Variants in PCDH15 observed in about 807,000 individuals in gnomAD.
PCDH15 encodes the protein protocadherin related 15.
In PCDH15, 129 loss-of-function variants were observed where a neutral mutation model predicts 178.5. The ratio of observed to expected loss-of-function variants is 0.72; its 90% CI spans 0.63 to 0.84. PCDH15 has a LOEUF of 0.84. PCDH15 is among the 40% of genes least tolerant of loss of function. PCDH15 has a pLI of 0.00. For synonymous variants in PCDH15, 800 were observed against 732.0 expected, an observed-to-expected ratio of 1.09 and a Z score of -1.50; for missense variants, 2,230 against 2,099.9, an observed-to-expected ratio of 1.06 and a Z score of -1.21.
At chr10:54,893,522 C>T (rs1954499123) in intron 3 of PCDH15, among the ~76,000 whole-genome samples, 1 of 151,994 alleles carries the variant, frequency 6.6e-6, no homozygotes, top group African/African-American at 2.4e-5. Flanking sequence ...TGTCCTTGAG[C>T]AGAATAACTT....
intron 27 of PCDH15, among the ~76,000 whole-genome samples, chr10:53,858,300 A>G (rs2078887678): frequency 1.3e-5 from 2 of 152,132 alleles, no homozygotes; most frequent in South Asian, 2.1e-4. Flanking sequence ...TAGGCTCCAG[A>G]TTCTTTACAT....
In PCDH15 at chr10:55,176,846, C is replaced by A. The variant is rs185499076; in HGVS notation, c.-155-10195G>T. Among the ~76,000 whole-genome samples, 30 of 152,244 alleles carry A rather than the reference C, an allele frequency of 2.0e-4. 1 individual carries two copies. In the East Asian group the frequency reaches 4.8e-3, roughly 25 times the overall value. On this transcript the variant is annotated intron_variant, in intron 1 of 5. Transcript: ENST00000458638. ...CTTTGCATTCGAGGATCCTTGCAACCAGACTACCCAGCTAACTTGGATGGT... is the reference window on the plus strand; with the variant it reads ...CTTTGCATTCGAGGATCCTTGCAACAAGACTACCCAGCTAACTTGGATGGT...
At chr10:55,332,922 T>G (rs898133482) in intron 2 of PCDH15, among the ~76,000 whole-genome samples, 2 of 152,112 alleles carry the variant, frequency 1.3e-5, no homozygotes, top group South Asian at 2.1e-4. Context: ...ATCAGCAGCA[T>G]GAAAACAAAC....
intron 1 of PCDH15, among the ~76,000 whole-genome samples, chr10:55,312,829 C>T (rs1843621746): frequency 6.6e-6 from 1 of 152,052 alleles, no homozygotes; most frequent in South Asian, 2.1e-4. Context: ...GTTGGTCAGG[C>T]TGGTCTTGAA....
At chr10:55,504,335 AAAGTT>A (rs1325372305) in intron 2 of PCDH15, among the ~76,000 whole-genome samples, 3 of 151,500 alleles carry the variant, frequency 2.0e-5, no homozygotes, top group Admixed American at 6.6e-5. Flanking sequence ...CTCTAAAAAT[AAAGTT>A]AATTATTTGA....
At chr10:54,462,730 G>T (rs1472840022) in intron 3 of PCDH15, among the ~76,000 whole-genome samples, 4 of 98,826 alleles carry the variant, frequency 4.0e-5, no homozygotes, top group African/African-American at 1.2e-4. Context: ...ACAGGGTTTT[G>T]CTATGTGGCC....
intron 3 of PCDH15, among the ~76,000 whole-genome samples, chr10:54,474,213 A>C (rs906884433): frequency 2.0e-5 from 3 of 151,960 alleles, no homozygotes; most frequent in South Asian, 4.1e-4. Flanking sequence ...CAACTAGAAG[A>C]AATTTTAGCA....
intron 1 of PCDH15, among the ~76,000 whole-genome samples, chr10:55,228,700 T>C (rs1841126921): frequency 6.6e-6 from 1 of 151,976 alleles, no homozygotes; most frequent in South Asian, 2.1e-4. Context: ...ATTTGACACA[T>C]CACATAATAT....
chr10:55,290,285 A>G (rs1842975764), intron 1 of PCDH15, among the ~76,000 whole-genome samples: 1 of 150,828 alleles, frequency 6.6e-6, no homozygotes, highest in Non-Finnish European at 1.5e-5. Context: ...TATGTATTAG[A>G]GTAATTAAAT....
chr10:55,511,753 C>T (rs1209998178), intron 2 of PCDH15, among the ~76,000 whole-genome samples: 4 of 151,974 alleles, frequency 2.6e-5, no homozygotes, highest in East Asian at 1.9e-4. Context: ...GTTATGTATT[C>T]GCTATTTGTA....
chr10:55,259,902 C>CAAAAAAAAAAAAAAAAAAAAAAAAA (rs749939571), intron 1 of PCDH15, among the ~76,000 whole-genome samples: 5 of 52,008 alleles, frequency 9.6e-5, no homozygotes, highest in Non-Finnish European at 1.5e-4. Flanking sequence ...AACTCCGTCT[C>CAAAAAAAAAAAAAAAAAAAAAAAAA]AAAAAAAAAA....
intron 13 of PCDH15, among the ~76,000 whole-genome samples, chr10:54,174,034 C>G (rs1165354589): frequency 6.6e-6 from 1 of 152,118 alleles, no homozygotes; most frequent in Non-Finnish European, 1.5e-5. Context: ...GAACGCTAAT[C>G]CAGTAATACA....
intron 1 of PCDH15, among the ~76,000 whole-genome samples, chr10:54,758,857 G>A (rs1947503990): frequency 6.6e-6 from 1 of 152,142 alleles, no homozygotes; most frequent in Non-Finnish European, 1.5e-5. Context: ...GACTTTCCGG[G>A]TTATAGGACT....
At chr10:55,188,066 C>A (rs1240605689) in intron 1 of PCDH15, among the ~76,000 whole-genome samples, 1 of 151,754 alleles carries the variant, frequency 6.6e-6, no homozygotes, top group East Asian at 1.9e-4. Context: ...AGGACTTGGG[C>A]TATAACTAGA....
intron 2 of PCDH15, among the ~76,000 whole-genome samples, chr10:55,353,320 T>C (rs900047422): frequency 1.3e-5 from 2 of 152,174 alleles, no homozygotes; most frequent in African/African-American, 4.8e-5. Context: ...TGTTTGAGCC[T>C]AGTTATAATG....
At chr10:54,977,662 T>G (rs1017411823) in intron 2 of PCDH15, among the ~76,000 whole-genome samples, 1 of 152,148 alleles carries the variant, frequency 6.6e-6, no homozygotes, top group Admixed American at 6.6e-5. Context: ...GCCTATGAAA[T>G]AGTCATCCTT....
chr10:54,225,369 T>C (rs930884687), intron 9 of PCDH15, among the ~76,000 whole-genome samples: 1 of 152,210 alleles, frequency 6.6e-6, no homozygotes, highest in African/African-American at 2.4e-5. Context: ...CCAACATTTT[T>C]TCTGACTACG....
chr10:54,881,438 C>T (rs1954260114), intron 3 of PCDH15, among the ~76,000 whole-genome samples: 2 of 151,970 alleles, frequency 1.3e-5, no homozygotes, highest in Non-Finnish European at 2.9e-5. Context: ...TTAGTCTGTG[C>T]TTTTCTTTTT....
intron 3 of PCDH15, among the ~76,000 whole-genome samples, chr10:54,478,771 C>G (rs767639133): frequency 1.3e-5 from 2 of 151,898 alleles, no homozygotes; most frequent in Non-Finnish European, 2.9e-5. Flanking sequence ...ATGTCTTCAA[C>G]AGACTTACTC....
Sources: gnomAD v4.1 joint callset for allele counts (sites outside exome capture counted in the v4.1 genomes callset) on GRCh38, gnomAD v4.1.1 for gene constraint, MANE v1.5 for transcripts, NCBI Gene and HGNC (gene_info 2026-07-23, HGNC 2026-07-21) for gene names.